The following LIX1 variants were observed in gnomAD, a reference collection of about 807,000 sequenced individuals.
LIX1 encodes the protein limb and CNS expressed 1.
A neutral mutation model predicts 33.4 loss-of-function variants in LIX1; 24 were observed. The ratio of observed to expected loss-of-function variants is 0.72; its 90% CI spans 0.52 to 1.01. The LOEUF (loss-of-function observed/expected upper bound fraction) is 1.01, where lower values mean the gene tolerates loss of function less well. LIX1 is among the 50% of genes least tolerant of loss of function. LIX1 has a pLI of 0.00. For synonymous variants in LIX1, 124 were observed against 124.0 expected, an observed-to-expected ratio of 1.00 and a Z score of 0.00; for missense variants, 311 against 339.2, an observed-to-expected ratio of 0.92 and a Z score of 0.65.
chr5:97,120,204 A>G (rs1747744056), intron 2 of LIX1, among the ~76,000 whole-genome samples: 2 of 152,206 alleles, frequency 1.3e-5, no homozygotes, highest in African/African-American at 4.8e-5. Flanking sequence ...ACTATCTTGC[A>G]GATTTAGGTG....
intron 4 of LIX1, among the ~76,000 whole-genome samples, chr5:97,104,146 A>G (rs1203528157): frequency 6.6e-6 from 1 of 152,156 alleles, no homozygotes; most frequent in East Asian, 1.9e-4. Context: ...TTTGAAAGGT[A>G]CCAAAGAAGG....
Position 97,102,979 on chromosome 5 carries a change from TC to T in LIX1, c.483+2210del, listed in dbSNP as rs918871484. The T allele has an allele frequency of 1.6e-5, 7 of 434,866 alleles. No individual in the cohort carries two copies. The Admixed American group carries it at 1.6e-4, about 10-fold the overall frequency. 26.9% of individuals were successfully genotyped at this position (434,866 alleles called of 1,614,324 possible). ...CTTTATAAATGTTACACTACTTAAATCCCGCAAAAATTCTACAAAATGGGCA... is the reference window on the plus strand; with the variant it reads ...CTTTATAAATGTTACACTACTTAAATCCGCAAAAATTCTACAAAATGGGCA... On this transcript the variant is annotated intron_variant, in intron 4 of 5. Transcript: ENST00000274382.
chr5:97,136,989 G>A (rs1041916941), intron 1 of LIX1: 14 of 304,054 alleles, frequency 4.6e-5, no homozygotes, highest in Non-Finnish European at 9.2e-5. Context: ...ATTACAAAAA[G>A]AAGATTCTTT....
intron 4 of LIX1, among the ~76,000 whole-genome samples, chr5:97,100,383 T>C (rs892582608): frequency 5.3e-5 from 8 of 152,204 alleles, no homozygotes; most frequent in Non-Finnish European, 1.2e-4. Context: ...ACTTCCTCAG[T>C]GTTGCTTTTG....
chr5:97,109,983 G>T (rs1282730428), intron 2 of LIX1, among the ~76,000 whole-genome samples: 2 of 152,192 alleles, frequency 1.3e-5, no homozygotes, highest in Non-Finnish European at 2.9e-5. Flanking sequence ...TCGCTCATTG[G>T]TTGATAGGCA....
intron 4 of LIX1, among the ~76,000 whole-genome samples, chr5:97,102,706 AGTACTTGGAAGGAATT>A (rs1746774964): frequency 1.3e-5 from 2 of 152,026 alleles, no homozygotes; most frequent in African/African-American, 4.8e-5. Flanking sequence ...AGCCTTTCAT[AGTACTTGGAAGGAATT>A]TTAAGACTTT....
intron 4 of LIX1, chr5:97,102,955 T>G: frequency 2.4e-6 from 1 of 409,924 alleles, no homozygotes; most frequent in Admixed American, 3.2e-5. Flanking sequence ...TGCCAGATGC[T>G]TTATAAATGT....
At chr5:97,112,446 G>A (rs1747450497) in intron 2 of LIX1, among the ~76,000 whole-genome samples, 1 of 152,204 alleles carries the variant, frequency 6.6e-6, no homozygotes, top group African/African-American at 2.4e-5. Context: ...CTTCCTGCTA[G>A]AGTTAGACTT....
chr5:97,111,278 A>G (rs77602493), intron 2 of LIX1, among the ~76,000 whole-genome samples: 1 of 152,250 alleles, frequency 6.6e-6, no homozygotes, highest in Non-Finnish European at 1.5e-5. Context: ...AGCACTAGAC[A>G]TAATGTTCAA....
chr5:97,116,969 C>T (rs944221108), intron 2 of LIX1, among the ~76,000 whole-genome samples: 1 of 151,992 alleles, frequency 6.6e-6, no homozygotes, highest in African/African-American at 2.4e-5. Context: ...TCACTACATT[C>T]TATATTTGGA....
chr5:97,118,098 A>G lies in LIX1; in HGVS notation c.246+6368T>C, dbSNP rs146912423. Among the ~76,000 whole-genome samples, 362 of 152,318 alleles carry G rather than the reference A, an allele frequency of 2.4e-3. 2 individuals are homozygous for G. Among genetic ancestry groups the G allele is most frequent in the Non-Finnish European group, 4.1e-3 (278 of 68,024 alleles). ...AAAATACTTATGTGAAAAAGATATA[A>G]TGCCCCGATGAGTGAGTGTCTCACA... is the stretch of plus-strand genomic sequence containing the variant. On this transcript the variant is annotated intron_variant, in intron 2 of 5. Coordinates refer to ENST00000274382, the MANE Select transcript of LIX1 (RefSeq NM_153234.5).
At chr5:97,136,710 C>G (rs966281728) in intron 1 of LIX1, among the ~76,000 whole-genome samples, 2 of 151,302 alleles carry the variant, frequency 1.3e-5, no homozygotes, top group African/African-American at 4.9e-5. Context: ...GGGATGAGAT[C>G]AAAATAGGGA....
At chr5:97,123,510 C>T (rs984947574) in intron 2 of LIX1, among the ~76,000 whole-genome samples, 8 of 152,186 alleles carry the variant, frequency 5.3e-5, no homozygotes, top group Admixed American at 1.3e-4. Flanking sequence ...CCTGAACATA[C>T]TGTGTTTGCA....
intron 2 of LIX1, among the ~76,000 whole-genome samples, chr5:97,108,528 G>A (rs1747193048): frequency 6.6e-6 from 1 of 152,172 alleles, no homozygotes; most frequent in Non-Finnish European, 1.5e-5. Context: ...TGGGGTTGCA[G>A]ATAGAGGGAC....
At chr5:97,133,242 A>T (rs1457879289) in intron 1 of LIX1, among the ~76,000 whole-genome samples, 1 of 152,218 alleles carries the variant, frequency 6.6e-6, no homozygotes, top group African/African-American at 2.4e-5. Flanking sequence ...AGTAGTTAAA[A>T]GCCTGTTCTC....
chr5:97,137,127 T>C (rs1444010243), intron 1 of LIX1: 1 of 444,358 alleles, frequency 2.3e-6, no homozygotes, highest in Admixed American at 2.4e-5. Context: ...TATCCTATTA[T>C]GGGCTGTAAC....
chr5:97,095,299 G>A (rs1746321634), intron 5 of LIX1, among the ~76,000 whole-genome samples: 1 of 152,184 alleles, frequency 6.6e-6, no homozygotes, highest in African/African-American at 2.4e-5. Flanking sequence ...ACATAGCTCT[G>A]CCATCTCTAG....
chr5:97,133,858 C>A (rs1411632998), intron 1 of LIX1, among the ~76,000 whole-genome samples: 1 of 152,110 alleles, frequency 6.6e-6, no homozygotes, highest in African/African-American at 2.4e-5. Flanking sequence ...GTGTATTCTT[C>A]AGGAAAGTAG....
In LIX1 at chr5:97,103,105, C is replaced by T. The variant is rs568613585; in HGVS notation, c.483+2085G>A. 4.4e-3 allele frequency: 1,997 copies of T among 451,762 alleles called. 33 individuals are homozygous for T. The highest frequency in any genetic ancestry group is 0.037 in the African/African-American group (1,829 of 49,574). 28.0% of individuals were successfully genotyped at this position (451,762 alleles called of 1,614,324 possible). A position where few individuals can be genotyped will look rare whatever the true frequency, so the allele number is the denominator to read the frequency against. On this transcript the variant is annotated intron_variant, in intron 4 of 5. Transcript: ENST00000274382. The stretch of plus-strand genomic sequence containing the variant: ...AGACTTCACACATAGGTCTGTATGA[C>T]TTTTTAAAGTTTATATTCTTTCTCT...
Sources: allele counts gnomAD v4.1 joint callset (sites outside exome capture counted in the v4.1 genomes callset), GRCh38; gene constraint gnomAD v4.1.1; transcripts MANE v1.5; gene names NCBI Gene and HGNC (gene_info 2026-07-23, HGNC 2026-07-21).